The following CEP128 variants were observed in gnomAD, a reference collection of about 807,000 sequenced individuals.
The protein encoded by CEP128 is centrosomal protein 128, also known as centrosomal protein 128kDa.
CEP128 carries 132 observed loss-of-function variants against 156.7 expected under a neutral mutation model. The ratio of observed to expected loss-of-function variants is 0.84; its 90% CI spans 0.73 to 0.97. The LOEUF (loss-of-function observed/expected upper bound fraction) is 0.97, where lower values mean the gene tolerates loss of function less well. Ranked by LOEUF, CEP128 falls within the 50% of genes least tolerant of loss-of-function variation. CEP128 has a pLI of 0.00. For missense variants in CEP128, 1,252 were observed against 1,281.9 expected (o/e 0.98, Z 0.36); for synonymous variants, 469 against 448.9 (o/e 1.04, Z -0.57).
intron 13 of CEP128, among the ~76,000 whole-genome samples, chr14:80,812,608 GC>G (rs201588651): frequency 0.065 from 9,849 of 152,174 alleles, 1,049 homozygotes; most frequent in African/African-American, 0.22. Flanking sequence ...TCGCTCTGTT[GC>G]CCAGGCTGGA....
At chr14:80,692,595 C>G (rs1896756317) in intron 19 of CEP128, among the ~76,000 whole-genome samples, 1 of 152,146 alleles carries the variant, frequency 6.6e-6, no homozygotes, top group Non-Finnish European at 1.5e-5. Context: ...TAGTCAGTGG[C>G]ATTAATTATT....
At chr14:80,600,767 C>T (rs1396581028) in intron 19 of CEP128, among the ~76,000 whole-genome samples, 1 of 151,508 alleles carries the variant, frequency 6.6e-6, no homozygotes, top group Non-Finnish European at 1.5e-5. Flanking sequence ...CTTTTATTTC[C>T]CTACCTGATT....
At chr14:80,756,262 T>G (rs1345208567) in intron 18 of CEP128, among the ~76,000 whole-genome samples, 2 of 152,194 alleles carry the variant, frequency 1.3e-5, no homozygotes, top group African/African-American at 2.4e-5. Context: ...AGGTTCACTG[T>G]TGTTAAAGTC....
At chr14:80,843,755 T>C (rs1886458201) in intron 9 of CEP128, among the ~76,000 whole-genome samples, 1 of 152,002 alleles carries the variant, frequency 6.6e-6, no homozygotes, top group African/African-American at 2.4e-5. Context: ...GAGGTAGCTT[T>C]AGGGACATTT....
intron 4 of CEP128, among the ~76,000 whole-genome samples, chr14:80,913,099 T>C (rs910993121): frequency 2.0e-5 from 3 of 152,150 alleles, no homozygotes; most frequent in African/African-American, 7.2e-5. Flanking sequence ...TTTTCTTACA[T>C]CCCCATGTAA....
rs114076464 is a variant in CEP128 at position 80,769,957 on chromosome 14, C to T, written c.2376+7925G>A. Among the ~76,000 whole-genome samples, 516 of 152,312 alleles carry T rather than the reference C, an allele frequency of 3.4e-3. 3 individuals are homozygous for T. The highest frequency in any genetic ancestry group is 0.011 in the African/African-American group (477 of 41,584). On this transcript the variant is annotated intron_variant, in intron 16 of 24. Coordinates refer to ENST00000555265, the MANE Select transcript of CEP128 (RefSeq NM_152446.5). ...AGAACTTTCATGTTGCCTATTCCAT[C>T]GGCTTTTTTCACCTCAACCAATGGT...
In CEP128 at chr14:80,480,525, G is replaced by T. The variant is rs541549521; in HGVS notation, c.*311-2118C>A. ...CATACAACAAAGGGACCCTGGACCT[G>T]GCCCAGGAAACCATATTTTCCTCCT... On this transcript the variant is annotated intron_variant and NMD_transcript_variant, in intron 14 of 14. Coordinates refer to the CEP128 transcript ENST00000554502. Among the ~76,000 whole-genome samples the T allele has an allele frequency of 3.1e-3, 468 of 152,190 alleles. 3 individuals carry two copies. The highest frequency in any genetic ancestry group is 0.011 in the African/African-American group (457 of 41,528).
intron 13 of CEP128, among the ~76,000 whole-genome samples, chr14:80,794,452 T>G (rs1430856257): frequency 6.6e-6 from 1 of 152,202 alleles, no homozygotes; most frequent in Non-Finnish European, 1.5e-5. Context: ...GAGAACTGTG[T>G]ACTTGTGTGT....
intron 24 of CEP128, among the ~76,000 whole-genome samples, chr14:80,498,701 T>C (rs1887604552): frequency 6.6e-6 from 1 of 152,214 alleles, no homozygotes; most frequent in South Asian, 2.1e-4. Context: ...CTTCTATCAT[T>C]TCACCTTTAT....
At chr14:80,664,476 G>C (rs561653033) in intron 19 of CEP128, among the ~76,000 whole-genome samples, 63 of 141,084 alleles carry the variant, frequency 4.5e-4, no homozygotes, top group Middle Eastern at 6.9e-3. Context: ...ACAAAGCAGA[G>C]ACAGAATATG....
Position 80,939,405 on chromosome 14 carries a change from C to T in CEP128, c.-36G>A, listed in dbSNP as rs1046394949. Reference sequence around the variant, plus strand: ...CTTACAAAGCACACCCCCAAAACTCCGAGTTGCTCTTCTCTGAGCTCAACG... The same window carrying T: ...CTTACAAAGCACACCCCCAAAACTCTGAGTTGCTCTTCTCTGAGCTCAACG... On this transcript the variant is annotated 5_prime_UTR_variant, in exon 2 of 25. Coordinates refer to ENST00000555265, the MANE Select transcript of CEP128 (RefSeq NM_152446.5). The T allele has an allele frequency of 1.3e-5, 2 of 152,146 alleles. No individual in the cohort carries two copies. The highest frequency in any genetic ancestry group is 4.8e-5 in the African/African-American group (2 of 41,424). The allele number at this position is 152,146 out of a possible 1,614,324, so 9.4% of individuals were successfully genotyped here.
At position 80,583,236 on chromosome 14, in the gene CEP128, G is replaced by A. The variant is rs117687919; in HGVS notation, c.2807-2813C>T. Among the ~76,000 whole-genome samples the A allele has an allele frequency of 3.4e-3, 522 of 152,278 alleles. 14 individuals are homozygous for A. The East Asian group carries it at 0.075, about 22-fold the overall frequency. ...TTGGGATGGCTGAATAAAAACAACC[G>A]AAGAATTCCTAGAATTTTAAATTTT... On this transcript the variant is annotated intron_variant, in intron 19 of 24. Coordinates refer to ENST00000555265, the MANE Select transcript of CEP128 (RefSeq NM_152446.5).
chr14:80,622,855 T>C (rs1452451887), intron 19 of CEP128, among the ~76,000 whole-genome samples: 2 of 149,304 alleles, frequency 1.3e-5, no homozygotes, highest in African/African-American at 2.5e-5. Context: ...TTTTACACTG[T>C]TGGTGGGACT....
chr14:80,771,333 T>C (rs1215051348), intron 16 of CEP128, among the ~76,000 whole-genome samples: 2 of 152,226 alleles, frequency 1.3e-5, no homozygotes, highest in African/African-American at 2.4e-5. Flanking sequence ...GCTTATATCC[T>C]GTTTCTACCA....
Position 80,764,676 on chromosome 14 carries a change from T to C in CEP128, c.2377-3063A>G, listed in dbSNP as rs141072899. ...AACTACTTGCTCCTTCAGGATTCCC[T>C]TATTTGGCATTTTTGACAGTTGAGT... On this transcript the variant is annotated intron_variant, in intron 16 of 24. Coordinates refer to ENST00000555265, the MANE Select transcript of CEP128 (RefSeq NM_152446.5). Among the ~76,000 whole-genome samples, 34 of 152,310 alleles carry C rather than the reference T, an allele frequency of 2.2e-4. 2 individuals carry two copies. The East Asian group carries it at 6.2e-3, about 28-fold the overall frequency.
chr14:80,840,853 TGAA>T, intron 9 of CEP128, 85 bp from the exon 10 acceptor site: 3 of 803,386 alleles, frequency 3.7e-6, no homozygotes, highest in Non-Finnish European at 4.2e-6. Flanking sequence ...GTATTAGGGC[TGAA>T]GAAGACATGG....
At chr14:80,518,790 TAA>T (rs1199904645) in intron 23 of CEP128, among the ~76,000 whole-genome samples, 1 of 152,198 alleles carries the variant, frequency 6.6e-6, no homozygotes, top group African/African-American at 2.4e-5. Context: ...AGTTCTAATA[TAA>T]GTCTTCAAAA....
intron 19 of CEP128, among the ~76,000 whole-genome samples, chr14:80,677,286 C>A (rs1251886148): frequency 6.6e-6 from 1 of 152,008 alleles, no homozygotes; most frequent in Admixed American, 6.6e-5. Context: ...GTGGGCAGAT[C>A]ACCTGAGGTC....
chr14:80,898,590 TACAAG>T (rs753952066), intron 7 of CEP128, among the ~76,000 whole-genome samples: 3 of 152,186 alleles, frequency 2.0e-5, no homozygotes, highest in Non-Finnish European at 2.9e-5. Context: ...TGAATCTTCT[TACAAG>T]ACAACTATTC....
Sources: allele counts gnomAD v4.1 joint callset (sites outside exome capture counted in the v4.1 genomes callset), GRCh38; gene constraint gnomAD v4.1.1; transcripts MANE v1.5; gene names NCBI Gene and HGNC (gene_info 2026-07-23, HGNC 2026-07-21).